Variants in SIGLEC12 observed in about 807,000 individuals in gnomAD.
SIGLEC12 encodes the protein sialic acid binding Ig like lectin 12.
Under a neutral mutation model 54.1 loss-of-function variants are expected in SIGLEC12, and 43 were observed. That is an observed-to-expected ratio of 0.80 (90% confidence interval 0.62 to 1.03). SIGLEC12 has a LOEUF of 1.03. Among genes scored for constraint, SIGLEC12 ranks in the 50% least tolerant of loss-of-function variants. The probability of loss-of-function intolerance (pLI) is 0.00; values close to 1 mark genes in which losing one functional copy is unlikely to be tolerated. For missense variants in SIGLEC12, 802 were observed against 735.2 expected (o/e 1.09, Z -1.05); for synonymous variants, 357 against 307.6 (o/e 1.16, Z -1.68).
chr19:51,492,671 A>G (rs530236625), intron 7 of SIGLEC12, among the ~76,000 whole-genome samples: 206 of 152,278 alleles, frequency 1.4e-3, no homozygotes, highest in Admixed American at 4.7e-3. Flanking sequence ...GCATAGATAG[A>G]TTGGAAGATG....
Position 51,501,681 on chromosome 19 carries a change from G to A in SIGLEC12, c.53C>T (p.Ala18Val). The A allele has an allele frequency of 6.2e-7, 1 of 1,613,918 alleles. No homozygotes were observed. Among genetic ancestry groups the A allele is most frequent in the South Asian group, 1.1e-5 (1 of 91,078 alleles). Residue 18 changes from alanine (A) to valine (V), a missense_variant, in exon 1 of 8, where the codon GCT becomes GTT. Ala to Val is a moderately conservative substitution (Grantham distance 64). Transcript: ENST00000291707. ...CAGCAGGTAATCCTTCTGTTCCTTA[G>A]CCCCCACTCTCCCACAGAGCAGGGG... The part of the protein sequence containing the change: ...LPPLLCGRVG[A>V]KEQKDYLLTM...
chr19:51,492,951 C>T (rs762602616), intron 7 of SIGLEC12, among the ~76,000 whole-genome samples: 9 of 152,326 alleles, frequency 5.9e-5, no homozygotes, highest in Admixed American at 2.6e-4. Context: ...TAGACTCACA[C>T]GGTGGAGAGT....
rs1990354592 is a variant in SIGLEC12 at position 51,500,121 on chromosome 19, C to T, written c.607G>A (p.Val203Met). ...EGADIPWDIP[V>M]ATNTPSGKVQ... ...TTTCCACTTGGGGTGTTTGTGGCCACTGGAATATCCCATGGTATATCGGCC... is the reference window on the plus strand; with the variant it reads ...TTTCCACTTGGGGTGTTTGTGGCCATTGGAATATCCCATGGTATATCGGCC... The change falls in exon 2 of 8, where the codon GTG (valine) becomes ATG (methionine). Residue 203 changes from valine to methionine, a missense_variant. Transcript: ENST00000291707. The T allele has an allele frequency of 6.2e-7, 1 of 1,614,144 alleles. No homozygotes were observed. Among genetic ancestry groups the T allele is most frequent in the South Asian group, 1.1e-5 (1 of 91,082 alleles).
intron 7 of SIGLEC12, among the ~76,000 whole-genome samples, chr19:51,492,047 A>G (rs1990118952): frequency 2.6e-5 from 4 of 152,252 alleles, no homozygotes; most frequent in Admixed American, 6.5e-5. Flanking sequence ...CCATAGTAAG[A>G]TATTATTATT....
chr19:51,497,949 C>T (rs1990284151), intron 5 of SIGLEC12, 69 bp downstream of exon 5: 1 of 1,581,388 alleles, frequency 6.3e-7, no homozygotes, highest in Admixed American at 1.8e-5. Context: ...AGGGAAATTC[C>T]AGGTCTCCCA....
At chr19:51,497,991 T>G (rs1407635905) in intron 5 of SIGLEC12, 27 bp downstream of exon 5, 8 of 1,612,420 alleles carry the variant, frequency 5.0e-6, no homozygotes, top group Non-Finnish European at 6.8e-6. Context: ...ATGTGTGTTC[T>G]CCTCCTCCAG....
chr19:51,495,721 A>G (rs1271743717), intron 7 of SIGLEC12, among the ~76,000 whole-genome samples: 1 of 152,198 alleles, frequency 6.6e-6, no homozygotes, highest in Non-Finnish European at 1.5e-5. Context: ...AATGTTTTCC[A>G]CAGATGGGTC....
chr19:51,499,198 G>C lies in SIGLEC12; in HGVS notation c.1107C>G (p.Thr369=), dbSNP rs538969850. 1 of 1,613,922 alleles carries C rather than the reference G, an allele frequency of 6.2e-7. No homozygotes were observed. The highest frequency in any genetic ancestry group is 1.3e-5 in the African/African-American group (1 of 74,904). Residue 369 remains threonine, a synonymous_variant, in exon 4 of 8, where the codon ACC becomes ACG. Transcript: ENST00000291707. The part of the protein sequence containing the change: ...LNISYPPQNL[T]MTVFQGDGTA... Reference sequence around the variant, plus strand: ...TGCCATCTCCTTGGAAGACAGTCATGGTCAAGTTCTGAGGAGGATCTGGAA... The same window carrying C: ...TGCCATCTCCTTGGAAGACAGTCATCGTCAAGTTCTGAGGAGGATCTGGAA...
At chr19:51,495,398 T>TGGATGGAC (rs1412892242) in intron 7 of SIGLEC12, among the ~76,000 whole-genome samples, 29 of 44,934 alleles carry the variant, frequency 6.5e-4, no homozygotes, top group African/African-American at 2.4e-3. Context: ...GATGGATGGA[T>TGGATGGAC]GGGTGGGTGG....
At position 51,501,366 on chromosome 19, in the gene SIGLEC12, A is replaced by G; in HGVS notation, c.368T>C (p.Val123Ala). 1.2e-6 allele frequency: 2 copies of G among 1,614,194 alleles called. No homozygotes were observed. The highest frequency in any genetic ancestry group is 8.5e-7 in the Non-Finnish European group (1 of 1,180,034). ...ATTCCATTTCATATTTCCTCTCTCT[A>G]CACAAAAGACGTATGTCCCTGCATC... ...ESDAGTYVFCVERGNMKWNYK... is the reference protein window; with the variant it reads ...ESDAGTYVFCAERGNMKWNYK... The change falls in exon 1 of 8, where the codon GTA (valine) becomes GCA (alanine). Residue 123 changes from valine (V) to alanine (A), a missense_variant. Coordinates refer to ENST00000291707, the MANE Select transcript of SIGLEC12 (RefSeq NM_053003.4).
chr19:51,498,775 G>T (rs768067741), intron 4 of SIGLEC12, among the ~76,000 whole-genome samples: 2 of 152,154 alleles, frequency 1.3e-5, no homozygotes, highest in African/African-American at 4.8e-5. Flanking sequence ...GACAGACCCT[G>T]GTCGATTCTG....
Position 51,498,157 on chromosome 19 carries a change from G to A in SIGLEC12, c.1266C>T (p.Pro422=), listed in dbSNP as rs1414314929. The A allele has an allele frequency of 6.2e-7, 1 of 1,614,132 alleles. No individual in the cohort carries two copies. Among genetic ancestry groups the A allele is most frequent in the African/African-American group, 1.3e-5 (1 of 74,954 alleles). The part of the protein sequence containing the change: ...SWTWGSLTLS[P]SQSSNLGVLE... ...GCACCCCAAGGTTCGAGGACTGTGA[G>A]GGGCTCAGGGTCAGGCTCCCCCAGG... is the stretch of plus-strand genomic sequence containing the variant. Residue 422 remains proline (P), a synonymous_variant, in exon 5 of 8, where the codon CCC becomes CCT. Transcript: ENST00000291707.
chr19:51,495,102 G>A (rs1454478588), intron 7 of SIGLEC12, among the ~76,000 whole-genome samples: 2 of 150,982 alleles, frequency 1.3e-5, no homozygotes, highest in Admixed American at 6.6e-5. Context: ...TTTATGTTAT[G>A]TGTTATTTTC....
intron 7 of SIGLEC12, among the ~76,000 whole-genome samples, chr19:51,492,064 A>G (rs140711881): frequency 2.6e-4 from 40 of 152,240 alleles, no homozygotes; most frequent in Non-Finnish European, 4.4e-4. Context: ...TATTGTCTCC[A>G]TTTTATAAAT....
At chr19:51,499,030 G>A (rs1418842116) in intron 4 of SIGLEC12, 140 bp downstream of exon 4, 2 of 760,356 alleles carry the variant, frequency 2.6e-6, no homozygotes, top group Non-Finnish European at 4.5e-6. Flanking sequence ...AGGTGCTCAG[G>A]TGGCCAAAAG....
chr19:51,499,889 C>T (rs764666907), intron 2 of SIGLEC12, 31 bp downstream of exon 2: 16 of 1,582,254 alleles, frequency 1.0e-5, no homozygotes, highest in Admixed American at 1.7e-5. Flanking sequence ...CGGGCCTTCC[C>T]CTCTGGCTGG....
At chr19:51,497,310 C>T (rs756066458) in intron 6 of SIGLEC12, 39 bp downstream of exon 6, 5 of 1,569,802 alleles carry the variant, frequency 3.2e-6, no homozygotes, top group Non-Finnish European at 4.4e-6. Flanking sequence ...CCCAGCCTGC[C>T]CTCCCCCAAG....
chr19:51,498,624 T>C (rs1172761686), intron 4 of SIGLEC12, among the ~76,000 whole-genome samples: 1 of 152,204 alleles, frequency 6.6e-6, no homozygotes, highest in Non-Finnish European at 1.5e-5. Flanking sequence ...GATCTTCCAT[T>C]AGAAGATGCC....
intron 7 of SIGLEC12, among the ~76,000 whole-genome samples, chr19:51,492,510 C>T (rs1361065537): frequency 6.6e-6 from 1 of 152,132 alleles, no homozygotes; most frequent in Non-Finnish European, 1.5e-5. Context: ...GCCCTAATCC[C>T]CTGGAACCTG....
Sources: gnomAD v4.1 joint callset for allele counts (sites outside exome capture counted in the v4.1 genomes callset) on GRCh38, gnomAD v4.1.1 for gene constraint, MANE v1.5 for transcripts, NCBI Gene and HGNC (gene_info 2026-07-23, HGNC 2026-07-21) for gene names.